TIAM2: variants seen among roughly 807,000 people sequenced by gnomAD.
The protein encoded by TIAM2 is TIAM Rac1 associated GEF 2.
A neutral mutation model predicts 152.9 loss-of-function variants in TIAM2; 80 were observed. The ratio of observed to expected loss-of-function variants is 0.52; its 90% CI spans 0.44 to 0.63. TIAM2 has a LOEUF of 0.63. Among genes scored for constraint, TIAM2 ranks in the 30% least tolerant of loss-of-function variants. The probability of loss-of-function intolerance (pLI) is 0.00; values close to 1 mark genes in which losing one functional copy is unlikely to be tolerated. For synonymous variants in TIAM2, 804 were observed against 838.0 expected (o/e 0.96, Z 0.70); for missense variants, 1,965 against 2,120.1 (o/e 0.93, Z 1.44).
At chr6:155,026,056 C>A (rs2114873396) in intron 1 of TIAM2, among the ~76,000 whole-genome samples, 1 of 152,190 alleles carries the variant, frequency 6.6e-6, no homozygotes, top group Admixed American at 6.5e-5. Flanking sequence ...TACTTTGCAG[C>A]CCAGCCAGAG....
In TIAM2 at chr6:155,130,352, A is replaced by G; in HGVS notation, c.1129A>G (p.Lys377Glu). Residue 377 changes from lysine to glutamate, a missense_variant, in exon 4 of 27, where the codon AAA (lysine) becomes GAA (glutamate). By Grantham distance (56) the Lys-to-Glu change is moderately conservative. Coordinates refer to ENST00000682666, the MANE Select transcript of TIAM2 (RefSeq NM_012454.4). ...GGATACTGCGAAGAAGGACTCCCTC[A>G]AAGCCAGGATGCGACGGATCAGTGA... ...VEDTAKKDSL[K>E]ARMRRISDWT... is the part of the protein sequence containing the mutation. 6.2e-7 allele frequency: 1 copy of G among 1,614,074 alleles called. No individual in the cohort carries two copies. Among genetic ancestry groups the G allele is most frequent in the Non-Finnish European group, 8.5e-7 (1 of 1,180,028 alleles).
intron 2 of TIAM2, among the ~76,000 whole-genome samples, chr6:155,105,307 C>A (rs552080437): frequency 6.6e-6 from 1 of 150,518 alleles, no homozygotes; most frequent in Non-Finnish European, 1.5e-5. Flanking sequence ...CATGCCACCA[C>A]GCCCAGCTAA....
rs201685730 is a variant in TIAM2, at chr6:155,163,900, C to CTTTTTG, written c.2029-499_2029-494dup. Among the ~76,000 whole-genome samples the CTTTTTG allele has an allele frequency of 2.4e-4, 37 of 151,148 alleles. No individual in the cohort carries two copies. The East Asian group carries it at 5.6e-3, about 23-fold the overall frequency. ...CATGTCACTGTATTGGGACCACCAG[C>CTTTTTG]TTTTTGTTTTTGTTTTTGTTTGGCT... On this transcript the variant is annotated intron_variant, in intron 7 of 26. Transcript: ENST00000682666.
At chr6:155,128,646 G>T (rs941548370) in intron 3 of TIAM2, among the ~76,000 whole-genome samples, 3 of 151,486 alleles carry the variant, frequency 2.0e-5, no homozygotes, top group Admixed American at 2.0e-4. Context: ...GATCTCTTGA[G>T]CCCAGGAGTT....
chr6:155,042,726 G>A lies in TIAM2; in HGVS notation c.-209+47234G>A, dbSNP rs146839072. On this transcript the variant is annotated intron_variant, in intron 1 of 26. Transcript: ENST00000682666. ...CATATATATACATACATTGTGGAGC[G>A]GCTAAATAATATATGCATTACCTCA... Among the ~76,000 whole-genome samples, 493 of 152,192 alleles carry A rather than the reference G, an allele frequency of 3.2e-3. 5 individuals are homozygous for A. The highest frequency in any genetic ancestry group is 0.011 in the African/African-American group (470 of 41,516).
intron 7 of TIAM2, among the ~76,000 whole-genome samples, chr6:155,158,487 T>C (rs1400782823): frequency 2.0e-5 from 3 of 152,210 alleles, no homozygotes; most frequent in Non-Finnish European, 2.9e-5. Context: ...TTTTCAGTCT[T>C]GTCTTTTTTA....
intron 1 of TIAM2, among the ~76,000 whole-genome samples, chr6:155,085,752 G>T (rs530772330): frequency 3.9e-5 from 6 of 152,332 alleles, no homozygotes; most frequent in African/African-American, 1.4e-4. Context: ...CAAACAGGCA[G>T]CTCCAAGGCT....
chr6:155,004,230 T>C lies in TIAM2; in HGVS notation c.-209+8738T>C, dbSNP rs576840389. On this transcript the variant is annotated intron_variant, in intron 1 of 26. Coordinates refer to ENST00000682666, the MANE Select transcript of TIAM2 (RefSeq NM_012454.4). Reference sequence around the variant, plus strand: ...TGTAGGCTACCTGCAAGACAAGATGTTTGATTGGAAGGCTGGTCAGAGTCA... The same window carrying C: ...TGTAGGCTACCTGCAAGACAAGATGCTTGATTGGAAGGCTGGTCAGAGTCA... Among the ~76,000 whole-genome samples, 101 of 152,208 alleles carry C rather than the reference T, an allele frequency of 6.6e-4. 3 individuals carry two copies. The South Asian group carries it at 0.021, about 32-fold the overall frequency.
intron 2 of TIAM2, among the ~76,000 whole-genome samples, chr6:155,090,893 C>T (rs1478943020): frequency 1.3e-5 from 2 of 152,002 alleles, no homozygotes; most frequent in African/African-American, 4.8e-5. Context: ...TGTTTCATTC[C>T]GACTGAGGTG....
At chr6:155,029,784 T>C (rs1042007301) in intron 1 of TIAM2, among the ~76,000 whole-genome samples, 3 of 134,228 alleles carry the variant, frequency 2.2e-5, no homozygotes, top group Non-Finnish European at 3.3e-5. Context: ...AGACTTTTTG[T>C]GTTTTTTTTG....
chr6:155,099,218 A>G (rs866284316), intron 2 of TIAM2, among the ~76,000 whole-genome samples: 12 of 57,696 alleles, frequency 2.1e-4, no homozygotes, highest in South Asian at 5.8e-4. Flanking sequence ...GTGTATATAT[A>G]TATGTGTGTG....
In TIAM2 at chr6:155,082,619, C is replaced by T. The variant is rs917374483; in HGVS notation, c.-208-7670C>T. On this transcript the variant is annotated intron_variant, in intron 1 of 26. Transcript: ENST00000682666. ...GAGCCAAGATTGTACCATTGCACTC[C>T]GGCCTGGGCAACAAGAGTAAAACTC... Among the ~76,000 whole-genome samples, 8 of 150,830 alleles carry T rather than the reference C, an allele frequency of 5.3e-5. No homozygotes were observed. The East Asian group carries it at 5.9e-4, about 11-fold the overall frequency.
chr6:155,215,045 T>A (rs1213496202), intron 15 of TIAM2, among the ~76,000 whole-genome samples: 1 of 152,194 alleles, frequency 6.6e-6, no homozygotes, highest in Admixed American at 6.5e-5. Flanking sequence ...CACAGGATGG[T>A]AGCTTGGGGG....
intron 21 of TIAM2, 46 bp downstream of exon 21, chr6:155,250,015 G>T: frequency 1.4e-6 from 2 of 1,455,826 alleles, no homozygotes; most frequent in East Asian, 2.3e-5. Flanking sequence ...ATGTGGTGTG[G>T]GGTCTGTAGG....
At chr6:155,070,029 C>T (rs1034811294) in intron 1 of TIAM2, among the ~76,000 whole-genome samples, 5 of 150,174 alleles carry the variant, frequency 3.3e-5, no homozygotes, top group Admixed American at 1.3e-4. Context: ...GCCTCAGCCT[C>T]CCGAGTAGCT....
chr6:155,028,179 CTG>C (rs370867149), intron 1 of TIAM2, among the ~76,000 whole-genome samples: 5 of 116,164 alleles, frequency 4.3e-5, no homozygotes, highest in East Asian at 4.8e-4. Context: ...AATATATGTA[CTG>C]TGTTACATAT....
At chr6:155,064,149 A>C (rs1436655607) in intron 1 of TIAM2, among the ~76,000 whole-genome samples, 1 of 150,934 alleles carries the variant, frequency 6.6e-6, no homozygotes, top group Non-Finnish European at 1.5e-5. Context: ...TTTTATTGAC[A>C]ATCTACACAT....
At chr6:155,164,126 T>G (rs1194549711) in intron 7 of TIAM2, among the ~76,000 whole-genome samples, 3 of 100,730 alleles carry the variant, frequency 3.0e-5, no homozygotes, top group African/African-American at 1.1e-4. Context: ...CACCAGCTAA[T>G]TTTTGTGTTT....
chr6:155,141,304 G>T (rs1779698759), intron 5 of TIAM2, among the ~76,000 whole-genome samples: 1 of 152,060 alleles, frequency 6.6e-6, no homozygotes, highest in Non-Finnish European at 1.5e-5. Flanking sequence ...AATTCAGTAT[G>T]TTGAGTTCTA....
Sources: allele counts gnomAD v4.1 joint callset (sites outside exome capture counted in the v4.1 genomes callset), GRCh38; gene constraint gnomAD v4.1.1; transcripts MANE v1.5; gene names NCBI Gene and HGNC (gene_info 2026-07-23, HGNC 2026-07-21).